The following SNX29 variants were observed in gnomAD, a reference collection of about 807,000 sequenced individuals.
The protein encoded by SNX29 is sorting nexin 29.
Under a neutral mutation model 102.1 loss-of-function variants are expected in SNX29, and 78 were observed. That is an observed-to-expected ratio of 0.76 (90% CI 0.64 to 0.92). The LOEUF (loss-of-function observed/expected upper bound fraction) is 0.92. Ranked by LOEUF, SNX29 falls within the 40% of genes least tolerant of loss-of-function variation. The pLI is 0.00. For missense variants in SNX29, 1,280 were observed against 1,061.7 expected, an observed-to-expected ratio of 1.21 and a Z score of -2.86; for synonymous variants, 580 against 414.5, an observed-to-expected ratio of 1.40 and a Z score of -4.85.
rs1224593945 is a variant in SNX29 at position 12,052,071 on chromosome 16, A to C, written c.973A>C (p.Lys325Gln). 5.0e-6 allele frequency: 8 copies of C among 1,613,840 alleles called. No individual in the cohort carries two copies. Among genetic ancestry groups the C allele is most frequent in the Non-Finnish European group, 6.8e-6 (8 of 1,179,874 alleles). Residue 325 changes from lysine to glutamine, a missense_variant, in exon 8 of 21, where the codon AAA becomes CAA. Physicochemically the swap from Lys to Gln is moderately conservative, Grantham distance 53. Coordinates refer to ENST00000566228, the MANE Select transcript of SNX29 (RefSeq NM_032167.5). ...TGGAAGTCAGAGCAGCAACTCATGGAAAATTGATTCCCTGTCTTTGAACGG... is the reference window on the plus strand; with the variant it reads ...TGGAAGTCAGAGCAGCAACTCATGGCAAATTGATTCCCTGTCTTTGAACGG... ...SNGSQSSNSW[K>Q]IDSLSLNGEF...
At chr16:12,439,229 C>T (rs1162260808) in intron 18 of SNX29, among the ~76,000 whole-genome samples, 7 of 151,596 alleles carry the variant, frequency 4.6e-5, no homozygotes, top group South Asian at 2.1e-4. Context: ...AGCTGAGAGA[C>T]GGCTAGTGGG....
chr16:12,047,782 C>T (rs997914681), intron 6 of SNX29, among the ~76,000 whole-genome samples: 44 of 151,636 alleles, frequency 2.9e-4, no homozygotes, highest in African/African-American at 1.0e-3. Flanking sequence ...TGCAGCCTCC[C>T]GAGTAGCTGG....
chr16:12,419,434 C>A (rs549051073), intron 18 of SNX29, among the ~76,000 whole-genome samples: 1 of 152,176 alleles, frequency 6.6e-6, no homozygotes, highest in Non-Finnish European at 1.5e-5. Flanking sequence ...GACACTTGCA[C>A]GCTCTTGGTT....
At chr16:12,315,200 G>A (rs1478012252) in intron 15 of SNX29, among the ~76,000 whole-genome samples, 1 of 152,152 alleles carries the variant, frequency 6.6e-6, no homozygotes, top group African/African-American at 2.4e-5. Context: ...GCATTGGACC[G>A]GGCTTCAGTG....
At chr16:12,445,802 T>C (rs2086021193) in intron 18 of SNX29, among the ~76,000 whole-genome samples, 1 of 152,102 alleles carries the variant, frequency 6.6e-6, no homozygotes, top group African/African-American at 2.4e-5. Context: ...TTTACAGATA[T>C]TAACCAATTC....
chr16:12,477,966 A>G, intron 19 of SNX29, 107 bp downstream of exon 19: 1 of 1,321,598 alleles, frequency 7.6e-7, no homozygotes, highest in South Asian at 1.7e-5. Context: ...CTTAAAGAAA[A>G]GTTGGTGGAG....
At chr16:12,059,949 C>T (rs555509812) in intron 8 of SNX29, among the ~76,000 whole-genome samples, 4 of 152,270 alleles carry the variant, frequency 2.6e-5, no homozygotes, top group Admixed American at 2.6e-4. Flanking sequence ...CTTCTTTTGC[C>T]TCCCTTCCCT....
At chr16:12,491,630 T>C (rs2088551478) in intron 19 of SNX29, among the ~76,000 whole-genome samples, 1 of 152,158 alleles carries the variant, frequency 6.6e-6, no homozygotes, top group African/African-American at 2.4e-5. Flanking sequence ...CTGCACCCAT[T>C]AACTCCTCAT....
At chr16:12,059,348 A>G (rs1374838126) in intron 8 of SNX29, among the ~76,000 whole-genome samples, 3 of 152,206 alleles carry the variant, frequency 2.0e-5, no homozygotes, top group African/African-American at 7.2e-5. Context: ...TCAGAGCCTC[A>G]GGAGGGCGCC....
chr16:12,094,881 G>A (rs1006659489), intron 11 of SNX29, among the ~76,000 whole-genome samples: 7 of 151,644 alleles, frequency 4.6e-5, no homozygotes, highest in African/African-American at 1.5e-4. Context: ...AAAACCTCTC[G>A]CCTCCTGCAT....
At chr16:12,092,735 G>T (rs1452931390) in intron 11 of SNX29, among the ~76,000 whole-genome samples, 1 of 152,176 alleles carries the variant, frequency 6.6e-6, no homozygotes, top group African/African-American at 2.4e-5. Context: ...ATTCTCATTT[G>T]CGGTGATTAA....
At chr16:12,476,976 A>AT (rs1278717989) in intron 18 of SNX29, among the ~76,000 whole-genome samples, 1 of 152,072 alleles carries the variant, frequency 6.6e-6, no homozygotes, top group African/African-American at 2.4e-5. Context: ...AACTCATGTA[A>AT]TTTTAAAAAG....
At chr16:11,993,457 G>C (rs2055932073) in intron 1 of SNX29, among the ~76,000 whole-genome samples, 1 of 152,182 alleles carries the variant, frequency 6.6e-6, no homozygotes. Flanking sequence ...CTGGGAGCCA[G>C]AGGTCTTGAT....
At chr16:12,547,433 G>A (rs1163552577) in intron 20 of SNX29, among the ~76,000 whole-genome samples, 3 of 152,174 alleles carry the variant, frequency 2.0e-5, no homozygotes, top group Admixed American at 6.5e-5. Context: ...GCACCCCGGG[G>A]AGAGGGGATG....
chr16:12,172,336 G>T (rs1351888516), intron 13 of SNX29, among the ~76,000 whole-genome samples: 1 of 152,202 alleles, frequency 6.6e-6, no homozygotes, highest in Non-Finnish European at 1.5e-5. Context: ...GGGTGGCAAG[G>T]TGTCAGTGCA....
chr16:12,218,967 G>A (rs1274053722), intron 14 of SNX29, among the ~76,000 whole-genome samples: 3 of 152,014 alleles, frequency 2.0e-5, no homozygotes, highest in Non-Finnish European at 4.4e-5. Context: ...GTAGAGACGG[G>A]GTTTCACTGT....
chr16:12,548,660 C>G (rs118110267), intron 20 of SNX29, among the ~76,000 whole-genome samples: 5 of 152,224 alleles, frequency 3.3e-5, no homozygotes, highest in Non-Finnish European at 7.3e-5. Context: ...GGTGTCAACT[C>G]AGCAAGAAGT....
intron 17 of SNX29, among the ~76,000 whole-genome samples, chr16:12,403,049 G>T (rs2084010969): frequency 6.6e-6 from 1 of 152,188 alleles, no homozygotes; most frequent in Non-Finnish European, 1.5e-5. Context: ...GGGCATTGCT[G>T]TGTGTGACCT....
At chr16:12,487,537 T>C (rs2088308152) in intron 19 of SNX29, among the ~76,000 whole-genome samples, 1 of 152,138 alleles carries the variant, frequency 6.6e-6, no homozygotes, top group Non-Finnish European at 1.5e-5. Context: ...TGAGCCGAAC[T>C]CTGCAAATGC....
Sources: allele counts gnomAD v4.1 joint callset (sites outside exome capture counted in the v4.1 genomes callset), GRCh38; gene constraint gnomAD v4.1.1; transcripts MANE v1.5; gene names NCBI Gene and HGNC (gene_info 2026-07-23, HGNC 2026-07-21).